NPAS3: variants seen among roughly 807,000 people sequenced by gnomAD.
NPAS3 encodes neuronal PAS domain protein 3, also known as neuronal PAS domain-containing protein 3.
In NPAS3, 14 loss-of-function variants were observed where a neutral mutation model predicts 73.1. The observed-to-expected ratio is 0.19, with a 90% confidence interval of 0.13 to 0.30. NPAS3 has a LOEUF of 0.30. Ranked by LOEUF, NPAS3 falls within the 10% of genes least tolerant of loss-of-function variation. NPAS3 has a pLI of 1.00. For missense variants in NPAS3, 1,096 were observed against 1,250.0 expected (o/e 0.88, Z 1.86); for synonymous variants, 620 against 541.5 (o/e 1.14, Z -2.01).
chr14:33,541,916 C>A (rs1480458967), intron 4 of NPAS3, among the ~76,000 whole-genome samples: 2 of 152,238 alleles, frequency 1.3e-5, no homozygotes, highest in Middle Eastern at 3.4e-3. Context: ...TTTCCCTCTG[C>A]AGGTTAATTT....
chr14:33,315,972 T>C (rs2043193208), intron 3 of NPAS3, among the ~76,000 whole-genome samples: 1 of 152,118 alleles, frequency 6.6e-6, no homozygotes, highest in Non-Finnish European at 1.5e-5. Flanking sequence ...TATTCGTTTA[T>C]AACTCAAGGT....
At chr14:33,285,536 C>G (rs1323650999) in intron 3 of NPAS3, among the ~76,000 whole-genome samples, 2 of 152,152 alleles carry the variant, frequency 1.3e-5, no homozygotes, top group African/African-American at 4.8e-5. Flanking sequence ...ACACTCAATT[C>G]CTCTCAAACA....
intron 3 of NPAS3, among the ~76,000 whole-genome samples, chr14:33,279,820 C>G (rs2041513081): frequency 6.6e-6 from 1 of 151,938 alleles, no homozygotes; most frequent in African/African-American, 2.4e-5. Context: ...CCAAAATGCC[C>G]AAAATAGCAG....
intron 4 of NPAS3, among the ~76,000 whole-genome samples, chr14:33,450,683 T>C (rs1297514621): frequency 6.6e-6 from 1 of 152,212 alleles, no homozygotes; most frequent in Non-Finnish European, 1.5e-5. Flanking sequence ...TATTTTATTG[T>C]TTGCTGTTTT....
chr14:33,771,154 C>T (rs561333434), intron 7 of NPAS3, among the ~76,000 whole-genome samples: 4 of 152,196 alleles, frequency 2.6e-5, no homozygotes, highest in African/African-American at 9.6e-5. Context: ...TGGATACATG[C>T]TGTCAGACTT....
In NPAS3 at chr14:33,746,019, T is replaced by C. The variant is rs553180431; in HGVS notation, c.852+10687T>C. Among the ~76,000 whole-genome samples, 4 of 152,098 alleles carry C rather than the reference T, an allele frequency of 2.6e-5. No individual in the cohort carries two copies. In the South Asian group the frequency reaches 8.3e-4, roughly 32 times the overall value. On this transcript the variant is annotated intron_variant, in intron 7 of 11. Coordinates refer to ENST00000356141, the Ensembl canonical transcript of NPAS3. ...GTTTCTAAGCCTCCTATATAGCCCG[T>C]AAGTCTCCATTGTTTGATTAGAGCA...
At chr14:33,778,696 G>A in intron 9 of NPAS3, 124 bp downstream of exon 9, 1 of 660,704 alleles carries the variant, frequency 1.5e-6, no homozygotes, top group Non-Finnish European at 2.7e-6. Context: ...CTGTCAGTGT[G>A]CAGTGAGAAA....
chr14:33,410,802 C>T (rs1033247919), intron 4 of NPAS3, among the ~76,000 whole-genome samples: 6 of 152,272 alleles, frequency 3.9e-5, no homozygotes, highest in East Asian at 3.9e-4. Context: ...TGCGCCACCA[C>T]ACCCGGCTAA....
Position 33,186,152 on chromosome 14 carries a change from T to A in NPAS3, c.141-29030T>A, listed in dbSNP as rs144652840. On this transcript the variant is annotated intron_variant, in intron 2 of 11. Transcript: ENST00000356141. ...TTCATTTTTAACTTTGCTTTGCAAA[T>A]TAAGCCTTTAAAAAAGCATCCTTGA... Among the ~76,000 whole-genome samples the A allele has an allele frequency of 3.1e-3, 475 of 152,310 alleles. 4 individuals are homozygous for A. Among genetic ancestry groups the A allele is most frequent in the African/African-American group, 1.0e-2 (414 of 41,562 alleles).
Position 33,735,196 on chromosome 14 carries a change from T to C in NPAS3, c.734-18T>C. 1 of 1,562,554 alleles carries C rather than the reference T, an allele frequency of 6.4e-7. No homozygotes were observed. Among genetic ancestry groups the C allele is most frequent in the Non-Finnish European group, 8.8e-7 (1 of 1,133,342 alleles). On this transcript the variant is annotated intron_variant, in intron 6 of 11. Transcript: ENST00000356141. The stretch of plus-strand genomic sequence containing the variant: ...TCAAGATCTAAATCGTGTGTGTCTG[T>C]ATTTTTGTATTCCTCAGTGGAGTCA...
intron 5 of NPAS3, among the ~76,000 whole-genome samples, chr14:33,607,846 C>G (rs890783232): frequency 6.6e-6 from 1 of 152,128 alleles, no homozygotes; most frequent in African/African-American, 2.4e-5. Flanking sequence ...GAAGCAAACA[C>G]GTCCTTCACG....
intron 1 of NPAS3, among the ~76,000 whole-genome samples, chr14:33,043,266 G>C (rs2040402983): frequency 6.6e-6 from 1 of 152,092 alleles, no homozygotes; most frequent in African/African-American, 2.4e-5. Flanking sequence ...GGAGAAGGAG[G>C]TGGTCTATTT....
intron 3 of NPAS3, among the ~76,000 whole-genome samples, chr14:33,285,916 G>T (rs2041855393): frequency 1.3e-5 from 2 of 152,108 alleles, no homozygotes; most frequent in African/African-American, 2.4e-5. Flanking sequence ...GTTGCACTCT[G>T]CCAGGAGCAC....
intron 2 of NPAS3, among the ~76,000 whole-genome samples, chr14:33,103,506 G>T (rs1159647371): frequency 6.6e-6 from 1 of 152,184 alleles, no homozygotes; most frequent in Non-Finnish European, 1.5e-5. Flanking sequence ...AAGGTCCTAA[G>T]TACCATTTAT....
intron 2 of NPAS3, among the ~76,000 whole-genome samples, chr14:33,211,415 A>C (rs1232976465): frequency 1.3e-5 from 2 of 152,128 alleles, no homozygotes; most frequent in Admixed American, 6.5e-5. Flanking sequence ...TTAGCTGAGC[A>C]CGGTGGTGCA....
chr14:33,586,715 G>T (rs1471410131), intron 5 of NPAS3, among the ~76,000 whole-genome samples: 1 of 152,040 alleles, frequency 6.6e-6, no homozygotes, highest in Non-Finnish European at 1.5e-5. Context: ...AGCAGTATTT[G>T]CCAGTAAATA....
intron 2 of NPAS3, among the ~76,000 whole-genome samples, chr14:33,083,017 C>CA (rs531730638): frequency 1.3e-5 from 2 of 151,178 alleles, no homozygotes; most frequent in African/African-American, 4.9e-5. Context: ...CTTGTCTCTA[C>CA]AAAAAAACAC....
In NPAS3 at chr14:33,106,819, A is replaced by G. The variant is rs183883527; in HGVS notation, c.140+50825A>G. Reference sequence around the variant, plus strand: ...ATGATAAAACCAAGAACACCACATGATTTCCTAGTGTTTCAATTCTGAATG... The same window carrying G: ...ATGATAAAACCAAGAACACCACATGGTTTCCTAGTGTTTCAATTCTGAATG... On this transcript the variant is annotated intron_variant, in intron 2 of 11. Coordinates refer to ENST00000356141, the Ensembl canonical transcript of NPAS3. Among the ~76,000 whole-genome samples the G allele has an allele frequency of 4.6e-5, 7 of 152,274 alleles. No individual in the cohort carries two copies. In the East Asian group the frequency reaches 1.4e-3, roughly 29 times the overall value.
chr14:33,004,331 C>T (rs528258663), intron 1 of NPAS3, among the ~76,000 whole-genome samples: 16 of 152,286 alleles, frequency 1.1e-4, no homozygotes, highest in Admixed American at 4.6e-4. Context: ...GCCTATTTCT[C>T]AAAGCCTACA....
Sources: allele counts gnomAD v4.1 joint callset (sites outside exome capture counted in the v4.1 genomes callset), GRCh38; gene constraint gnomAD v4.1.1; transcripts MANE v1.5; gene names NCBI Gene and HGNC (gene_info 2026-07-23, HGNC 2026-07-21).